USP45: variants seen among roughly 807,000 people sequenced by gnomAD.
The protein encoded by USP45 is ubiquitin specific peptidase 45.
In USP45, 89 loss-of-function variants were observed where a neutral mutation model predicts 95.8. That is an observed-to-expected ratio of 0.93 (90% CI 0.78 to 1.11). The LOEUF (loss-of-function observed/expected upper bound fraction) is 1.11, where lower values mean the gene tolerates loss of function less well. USP45 is among the 50% of genes least tolerant of loss of function. The probability of loss-of-function intolerance (pLI) is 0.00; values close to 1 mark genes in which losing one functional copy is unlikely to be tolerated. For synonymous variants in USP45, 281 were observed against 316.2 expected, an observed-to-expected ratio of 0.89 and a Z score of 1.18; for missense variants, 898 against 942.5, an observed-to-expected ratio of 0.95 and a Z score of 0.62.
chr6:99,449,539 C>G, intron 13 of USP45, among the ~76,000 whole-genome samples: 1 of 151,908 alleles, frequency 6.6e-6, no homozygotes, highest in Non-Finnish European at 1.5e-5. Context: ...AAAGCAAGTC[C>G]CCAGAGACCT....
chr6:99,501,192 C>G (rs952489253), intron 5 of USP45, among the ~76,000 whole-genome samples: 2 of 151,742 alleles, frequency 1.3e-5, no homozygotes, highest in Non-Finnish European at 2.9e-5. Context: ...ACCTGCCCCC[C>G]CACAATCACC....
At chr6:99,467,021 G>A (rs116829659) in intron 10 of USP45, among the ~76,000 whole-genome samples, 290 of 152,016 alleles carry the variant, frequency 1.9e-3, no homozygotes, top group African/African-American at 6.7e-3. Flanking sequence ...ACCACTATTC[G>A]TACCACACCT....
At chr6:99,465,446 G>T (rs1463313897) in intron 11 of USP45, among the ~76,000 whole-genome samples, 1 of 151,984 alleles carries the variant, frequency 6.6e-6, no homozygotes, top group Non-Finnish European at 1.5e-5. Flanking sequence ...GACATTTTTG[G>T]TTAGCTTAGG....
At chr6:99,497,243 A>G (rs947717657) in intron 5 of USP45, among the ~76,000 whole-genome samples, 1 of 151,842 alleles carries the variant, frequency 6.6e-6, no homozygotes, top group Non-Finnish European at 1.5e-5. Flanking sequence ...TTTTTATTCC[A>G]TGTATGGGGA....
At chr6:99,477,204 T>C (rs1791084187) in intron 8 of USP45, among the ~76,000 whole-genome samples, 1 of 152,214 alleles carries the variant, frequency 6.6e-6, no homozygotes, top group Non-Finnish European at 1.5e-5. Context: ...TAATATAAGT[T>C]CTACTTTATG....
intron 5 of USP45, among the ~76,000 whole-genome samples, chr6:99,498,785 G>C (rs1050917510): frequency 2.0e-5 from 3 of 152,098 alleles, no homozygotes; most frequent in African/African-American, 7.2e-5. Context: ...TATCACAAAG[G>C]ATTAAATGCA....
At chr6:99,465,948 T>C (rs1787849680) in intron 11 of USP45, among the ~76,000 whole-genome samples, 2 of 152,094 alleles carry the variant, frequency 1.3e-5, no homozygotes, top group Non-Finnish European at 2.9e-5. Flanking sequence ...TAATACGTCA[T>C]ATAAACTTTA....
chr6:99,457,322 T>C (rs1785322191), intron 13 of USP45, among the ~76,000 whole-genome samples: 1 of 152,214 alleles, frequency 6.6e-6, no homozygotes, highest in African/African-American at 2.4e-5. Flanking sequence ...AAAAACTTGC[T>C]GGTTTTTGCG....
Position 99,464,766 on chromosome 6 carries a change from C to A in USP45, c.1165-19G>T. On this transcript the variant is annotated intron_variant, in intron 12 of 17. Coordinates refer to ENST00000500704, the MANE Select transcript of USP45 (RefSeq NM_001346022.3). ...TTGAAACCTATGTAAATGCCACATA[C>A]AGAAACCAAAACCTCTTTAGTAAAT... The A allele has an allele frequency of 6.3e-7, 1 of 1,579,216 alleles. No individual in the cohort carries two copies.
intron 3 of USP45, among the ~76,000 whole-genome samples, chr6:99,508,168 T>C (rs1798953054): frequency 6.9e-6 from 1 of 144,482 alleles, no homozygotes; most frequent in Admixed American, 7.2e-5. Context: ...TTTCTCTTAT[T>C]TTTTTAAAAA....
upstream of USP45, among the ~76,000 whole-genome samples, chr6:99,516,032 C>T (rs1397281992): frequency 1.3e-5 from 2 of 152,128 alleles, no homozygotes; most frequent in African/African-American, 2.4e-5. Flanking sequence ...CCGCCCCGGC[C>T]TCCCAAAGTG....
chr6:99,496,295 C>T (rs1554252573), intron 5 of USP45, among the ~76,000 whole-genome samples: 1 of 150,822 alleles, frequency 6.6e-6, no homozygotes, highest in Non-Finnish European at 1.5e-5. Context: ...CATGTATCAC[C>T]TTTTTTTTTA....
chr6:99,462,563 A>G (rs766611916), intron 13 of USP45: 62 of 985,304 alleles, frequency 6.3e-5, no homozygotes, highest in Non-Finnish European at 6.9e-5. Context: ...AGAATAAAGC[A>G]TATGCTCAAA....
intron 13 of USP45, among the ~76,000 whole-genome samples, chr6:99,451,945 A>C (rs1273054120): frequency 6.6e-6 from 1 of 152,240 alleles, no homozygotes; most frequent in Non-Finnish European, 1.5e-5. Context: ...TTCCCTATTT[A>C]ATAAATGGTG....
At position 99,464,574 on chromosome 6, in the gene USP45, C is replaced by A. The variant is rs373519591; in HGVS notation, c.1308+30G>T. On this transcript the variant is annotated intron_variant, in intron 13 of 17. Coordinates refer to ENST00000500704, the MANE Select transcript of USP45 (RefSeq NM_001346022.3). ...CTTTTGTTAATAAACTGTTAAAAAA[C>A]AGACGTCTAACAGATGCTTATGGTC... 3.8e-6 allele frequency: 6 copies of A among 1,588,680 alleles called. No individual in the cohort carries two copies. The African/African-American group carries it at 5.5e-5, about 14-fold the overall frequency.
chr6:99,464,261 G>A (rs1787320866), intron 13 of USP45, among the ~76,000 whole-genome samples: 1 of 152,182 alleles, frequency 6.6e-6, no homozygotes, highest in Non-Finnish European at 1.5e-5. Flanking sequence ...AGCTGAGATT[G>A]CACCATTGCA....
At chr6:99,488,546 T>C in intron 6 of USP45, 135 bp downstream of exon 6, 2 of 964,832 alleles carry the variant, frequency 2.1e-6, no homozygotes, top group Admixed American at 2.7e-5. Context: ...TGGCCCAAGA[T>C]AGCGTAAACA....
intron 17 of USP45, among the ~76,000 whole-genome samples, chr6:99,436,531 G>A (rs1378548396): frequency 6.6e-6 from 1 of 152,110 alleles, no homozygotes; most frequent in Non-Finnish European, 1.5e-5. Context: ...AATCCAGCCT[G>A]GGTGACAAAG....
chr6:99,456,488 G>A (rs893214565), intron 13 of USP45, among the ~76,000 whole-genome samples: 7 of 152,172 alleles, frequency 4.6e-5, no homozygotes, highest in African/African-American at 1.2e-4. Flanking sequence ...GCAGAAGAAC[G>A]TGGATTGTGA....
Sources: gnomAD v4.1 joint callset for allele counts (sites outside exome capture counted in the v4.1 genomes callset) on GRCh38, gnomAD v4.1.1 for gene constraint, MANE v1.5 for transcripts, NCBI Gene and HGNC (gene_info 2026-07-23, HGNC 2026-07-21) for gene names.